The following CAMSAP1 variants were observed in gnomAD, a reference collection of about 807,000 sequenced individuals.
CAMSAP1 encodes calmodulin regulated spectrin associated protein 1.
Under a neutral mutation model 143.5 loss-of-function variants are expected in CAMSAP1, and 58 were observed. The ratio of observed to expected loss-of-function variants is 0.40; its 90% CI spans 0.33 to 0.50. The LOEUF is 0.50. Among genes scored for constraint, CAMSAP1 ranks in the 20% least tolerant of loss-of-function variants. The probability of loss-of-function intolerance (pLI) is 0.45; values close to 1 mark genes in which losing one functional copy is unlikely to be tolerated. For missense variants in CAMSAP1, 1,969 were observed against 2,115.7 expected (o/e 0.93, Z 1.36); for synonymous variants, 945 against 859.3 (o/e 1.10, Z -1.74).
rs547080833 is a variant in CAMSAP1, at chr9:135,824,886, T to C, written c.1224-6A>G. 3.8e-6 allele frequency: 6 copies of C among 1,576,968 alleles called. No homozygotes were observed. The South Asian group carries it at 5.9e-5, about 15-fold the overall frequency. ...AGGCAGCAGTTCCTTTCCCGCTAAA[T>C]GGAAAAAGAATTACAGGGAAAATCA... is the stretch of plus-strand genomic sequence containing the variant. On this transcript the variant is annotated splice_region_variant and splice_polypyrimidine_tract_variant and intron_variant, in intron 8 of 16. Coordinates refer to ENST00000389532, the MANE Select transcript of CAMSAP1 (RefSeq NM_015447.4). The surrounding 1 kb of genome is among the most constrained non-coding windows in gnomAD (Gnocchi z 4.1).
intron 7 of CAMSAP1, among the ~76,000 whole-genome samples, chr9:135,833,079 T>A (rs1439659270): frequency 4.1e-3 from 9 of 2,194 alleles, no homozygotes; most frequent in Non-Finnish European, 6.4e-3. Flanking sequence ...CACAGTAATC[T>A]TTTTTTTTTT....
Position 135,811,610 on chromosome 9 carries a change from T to C in CAMSAP1, c.4508A>G (p.Glu1503Gly). The C allele has an allele frequency of 1.3e-6, 2 of 1,581,256 alleles. No individual in the cohort carries two copies. Among genetic ancestry groups the C allele is most frequent in the Non-Finnish European group, 1.7e-6 (2 of 1,163,098 alleles). ...GTGATTGGCATCACACTTCTCCAGC[T>C]CCTGTGCAGAGAGAGAAAAGGGGAA... ...NEPHKNSILE[E>G]LEKCDANHYI... The change falls in exon 17 of 17, where the codon GAG becomes GGG. Residue 1503 changes from glutamate (E) to glycine (G), a missense_variant and splice_region_variant. Glu to Gly is a moderately conservative substitution (Grantham distance 98). Around this residue, in one of 4 missense-constraint regions of CAMSAP1, gnomAD observed 143 missense variants for 200.6 expected, o/e 0.71. Coordinates refer to ENST00000389532, the MANE Select transcript of CAMSAP1 (RefSeq NM_015447.4). The surrounding 1 kb of genome is among the most constrained non-coding windows in gnomAD (Gnocchi z 4.9).
chr9:135,852,488 C>T (rs140848153), intron 5 of CAMSAP1, among the ~76,000 whole-genome samples: 3 of 152,098 alleles, frequency 2.0e-5, no homozygotes, highest in African/African-American at 7.2e-5. Context: ...ATCTTTACTC[C>T]GAGGAAGGGG....
chr9:135,904,336 T>C lies in CAMSAP1; in HGVS notation c.160+2664A>G, dbSNP rs558252063. On this transcript the variant is annotated intron_variant, in intron 1 of 16. Coordinates refer to ENST00000389532, the MANE Select transcript of CAMSAP1 (RefSeq NM_015447.4). ...ATCACTTGAGCCCGGCAGGCGGAGGTTGCAGTGAACCGAGGTCACACCACT... is the reference window on the plus strand; with the variant it reads ...ATCACTTGAGCCCGGCAGGCGGAGGCTGCAGTGAACCGAGGTCACACCACT... Among the ~76,000 whole-genome samples, 25 of 147,300 alleles carry C rather than the reference T, an allele frequency of 1.7e-4. No individual in the cohort carries two copies. The East Asian group carries it at 4.4e-3, about 26-fold the overall frequency.
rs1012584585 is a variant in CAMSAP1, at chr9:135,907,231, G to C, written c.-72C>G. 9.4e-4 allele frequency: 902 copies of C among 961,022 alleles called. 2 individuals carry two copies. The highest frequency in any genetic ancestry group is 1.1e-3 in the Non-Finnish European group (865 of 801,274). The allele number at this position is 961,022 out of a possible 1,614,324, so 59.5% of individuals were successfully genotyped here. A position where few individuals can be genotyped will look rare whatever the true frequency, so the allele number is the denominator to read the frequency against. On this transcript the variant is annotated 5_prime_UTR_variant, in exon 1 of 17. Coordinates refer to ENST00000389532, the MANE Select transcript of CAMSAP1 (RefSeq NM_015447.4). ...CGCCGCCCCTCGCCGCGCCGGGCCCGGTGCGCCCCGAGCCACCACTCGGCC... is the reference window on the plus strand; with the variant it reads ...CGCCGCCCCTCGCCGCGCCGGGCCCCGTGCGCCCCGAGCCACCACTCGGCC...
In CAMSAP1 at chr9:135,821,831, C is replaced by T. The variant is rs756443574; in HGVS notation, c.2830G>A (p.Gly944Arg). The change falls in exon 11 of 17, where the codon GGG (glycine) becomes AGG (arginine). Residue 944 changes from glycine to arginine, a missense_variant. Physicochemically the swap from Gly to Arg is moderately radical, Grantham distance 125. This residue lies in a region of CAMSAP1 where 1,390 missense variants were observed against 1,420.8 expected (regional missense o/e 0.98). Transcript: ENST00000389532. The surrounding 1 kb of genome is among the most constrained non-coding windows in gnomAD (Gnocchi z 4.6). The stretch of plus-strand genomic sequence containing the variant: ...GAAACAGCGTCCCCACAGTCCTCCC[C>T]GTTGTGCTGAGAGTACTCCTTTGCA... ...HFAKEYSQHN[G>R]EDCGDAVSKT... The T allele has an allele frequency of 5.6e-6, 9 of 1,614,034 alleles. No homozygotes were observed. The East Asian group carries it at 1.1e-4, about 20-fold the overall frequency.
intron 5 of CAMSAP1, among the ~76,000 whole-genome samples, chr9:135,859,132 T>C (rs373974405): frequency 5.4e-4 from 83 of 152,350 alleles, no homozygotes; most frequent in Middle Eastern, 3.4e-3. Context: ...TGGTGAGTTC[T>C]CACTTTACTG....
chr9:135,851,365 C>T (rs1031222138), intron 5 of CAMSAP1, among the ~76,000 whole-genome samples: 10 of 152,092 alleles, frequency 6.6e-5, no homozygotes, highest in African/African-American at 2.4e-4. Flanking sequence ...CATGAACTGC[C>T]CTCCACAGTC....
intron 7 of CAMSAP1, chr9:135,836,092 A>G (rs1836023086): frequency 2.0e-6 from 2 of 985,212 alleles, no homozygotes; most frequent in East Asian, 1.1e-4. Context: ...AAACTTCGGA[A>G]AGAGAGCTGC....
intron 1 of CAMSAP1, among the ~76,000 whole-genome samples, chr9:135,892,140 C>T (rs1213663585): frequency 6.6e-6 from 1 of 152,072 alleles, no homozygotes; most frequent in African/African-American, 2.4e-5. Flanking sequence ...GTGAAAGACA[C>T]CAATTTACAG....
intron 4 of CAMSAP1, among the ~76,000 whole-genome samples, chr9:135,865,782 A>C (rs72771937): frequency 3.3e-5 from 5 of 152,182 alleles, no homozygotes; most frequent in Non-Finnish European, 5.9e-5. Context: ...CCACCCACCC[A>C]GCTAACAAAT....
intron 1 of CAMSAP1, among the ~76,000 whole-genome samples, chr9:135,886,863 G>A (rs1273902876): frequency 6.6e-6 from 1 of 152,244 alleles, no homozygotes; most frequent in Non-Finnish European, 1.5e-5. Context: ...TGTGCCTGAT[G>A]CAGTACGACA....
chr9:135,865,469 G>T, intron 4 of CAMSAP1: 1 of 1,136,586 alleles, frequency 8.8e-7, no homozygotes, highest in Non-Finnish European at 1.3e-6. Flanking sequence ...ACACGGCAGA[G>T]GCGGGAGAGC....
intron 7 of CAMSAP1, among the ~76,000 whole-genome samples, chr9:135,830,035 T>A (rs1272927644): frequency 6.6e-6 from 1 of 152,072 alleles, no homozygotes; most frequent in East Asian, 1.9e-4. Context: ...AACTGTATCT[T>A]ATGTAAGCCC....
chr9:135,899,978 G>A (rs1429991046), intron 1 of CAMSAP1, among the ~76,000 whole-genome samples: 1 of 152,162 alleles, frequency 6.6e-6, no homozygotes, highest in Non-Finnish European at 1.5e-5. Context: ...GCCTGAAAAG[G>A]ATACGAAGGG....
intron 7 of CAMSAP1, among the ~76,000 whole-genome samples, chr9:135,830,000 G>C (rs1047869289): frequency 2.0e-5 from 3 of 152,142 alleles, no homozygotes; most frequent in Non-Finnish European, 4.4e-5. Flanking sequence ...AAGTGAAGGT[G>C]AGTTGTCATC....
In CAMSAP1 at chr9:135,817,977, C is replaced by A. The variant is rs1157604966; in HGVS notation, c.4271G>T (p.Arg1424Leu). ...CCGGCGGCCGTCTCAGGCCCCTTAC[C>A]GCTGAGAGGGTGTGCCCCCGGAATG... ...SVHSGGTPSQRVESMEALPIL... is the reference protein window; with the variant it reads ...SVHSGGTPSQLVESMEALPIL... Residue 1424 changes from arginine to leucine, a missense_variant and splice_region_variant, in exon 14 of 17, where the codon CGA (arginine) becomes CTA (leucine). Physicochemically the swap from Arg to Leu is moderately radical, Grantham distance 102. Transcript: ENST00000389532. 1 of 1,613,672 alleles carries A rather than the reference C, an allele frequency of 6.2e-7. No individual in the cohort carries two copies. The highest frequency in any genetic ancestry group is 1.3e-5 in the African/African-American group (1 of 74,944).
chr9:135,902,678 C>A (rs1028397719), intron 1 of CAMSAP1, among the ~76,000 whole-genome samples: 1 of 152,198 alleles, frequency 6.6e-6, no homozygotes, highest in East Asian at 1.9e-4. Flanking sequence ...GACTAAAACC[C>A]AGGCTTCACA....
At chr9:135,840,087 G>C (rs915555774) in intron 7 of CAMSAP1, among the ~76,000 whole-genome samples, 2 of 152,198 alleles carry the variant, frequency 1.3e-5, no homozygotes, top group Non-Finnish European at 2.9e-5. Flanking sequence ...AACTACAATG[G>C]ACCCCTTGCA....
Sources: gnomAD v4.1 joint callset for allele counts (sites outside exome capture counted in the v4.1 genomes callset) on GRCh38, gnomAD v4.1.1 for gene constraint, gnomAD v4.1.1 regional missense constraint, Gnocchi (gnomAD v3.1) non-coding constraint, MANE v1.5 for transcripts, NCBI Gene and HGNC (gene_info 2026-07-23, HGNC 2026-07-21) for gene names.